The following MYO3B variants were observed in gnomAD, a reference collection of about 807,000 sequenced individuals.
The protein encoded by MYO3B is myosin IIIB, also known as myosin-IIIb.
Under a neutral mutation model 174.6 loss-of-function variants are expected in MYO3B, and 156 were observed. The observed-to-expected ratio is 0.89, with a 90% CI of 0.78 to 1.02. MYO3B has a LOEUF of 1.02. Among genes scored for constraint, MYO3B ranks in the 50% least tolerant of loss-of-function variants. The pLI is 0.00. For synonymous variants in MYO3B, 563 were observed against 569.1 expected, an observed-to-expected ratio of 0.99 and a Z score of 0.15; for missense variants, 1,632 against 1,639.4, an observed-to-expected ratio of 1.00 and a Z score of 0.08.
intron 7 of MYO3B, among the ~76,000 whole-genome samples, chr2:170,257,489 T>C (rs2105343257): frequency 6.6e-6 from 1 of 152,262 alleles, no homozygotes; most frequent in African/African-American, 2.4e-5. Flanking sequence ...GAATGACTTT[T>C]GGGTAAATAA....
chr2:170,369,029 A>C (rs2094219180), intron 8 of MYO3B, among the ~76,000 whole-genome samples, 193 bp from the exon 9 acceptor site: 1 of 152,200 alleles, frequency 6.6e-6, no homozygotes. Flanking sequence ...CTGATGTTTT[A>C]ATTAATTCAA....
intron 7 of MYO3B, among the ~76,000 whole-genome samples, chr2:170,243,139 T>C (rs1319439916): frequency 1.3e-5 from 2 of 152,236 alleles, no homozygotes. Flanking sequence ...ACTACTAGTA[T>C]GTAACAAACC....
chr2:170,335,852 T>C (rs369631809), intron 8 of MYO3B, among the ~76,000 whole-genome samples: 160 of 152,242 alleles, frequency 1.1e-3, no homozygotes, highest in African/African-American at 3.5e-3. Context: ...TCCTCTAGGA[T>C]CTGTGGCATG....
chr2:170,315,337 A>C (rs1218908551), intron 7 of MYO3B, among the ~76,000 whole-genome samples: 1 of 150,108 alleles, frequency 6.7e-6, no homozygotes, highest in Admixed American at 6.6e-5. Context: ...TTTTTGAGGC[A>C]GTCTCGCTCT....
intron 9 of MYO3B, among the ~76,000 whole-genome samples, chr2:170,379,178 A>G (rs945607909): frequency 1.4e-5 from 2 of 146,868 alleles, no homozygotes; most frequent in Non-Finnish European, 3.0e-5. Flanking sequence ...TAATTATTTC[A>G]TGAAAATGTG....
In MYO3B at chr2:170,407,816, G is replaced by T. The variant is rs367631065; in HGVS notation, c.2622G>T (p.Gln874His). Residue 874 changes from glutamine (Q) to histidine (H), a missense_variant, in exon 22 of 35, where the codon CAG becomes CAT. Coordinates refer to ENST00000408978, the MANE Select transcript of MYO3B (RefSeq NM_138995.5). The stretch of plus-strand genomic sequence containing the variant: ...CGTCAGAAAACAAGCTTCTTCAGCA[G>T]CTCTTCTCAATCCCTCTGACCAAAA... The part of the protein sequence containing the change: ...LRTSENKLLQ[Q>H]LFSIPLTKTG... 1.3e-5 allele frequency: 21 copies of T among 1,613,940 alleles called. No individual in the cohort carries two copies. The African/African-American group carries it at 2.3e-4, about 17-fold the overall frequency.
intron 6 of MYO3B, among the ~76,000 whole-genome samples, chr2:170,219,343 T>C (rs2092866077): frequency 6.6e-6 from 1 of 152,158 alleles, no homozygotes. Flanking sequence ...GAGTACATGC[T>C]CAAAAAAATT....
At chr2:170,610,895 T>G (rs1695092373) in intron 32 of MYO3B, among the ~76,000 whole-genome samples, 1 of 152,204 alleles carries the variant, frequency 6.6e-6, no homozygotes, top group African/African-American at 2.4e-5. Flanking sequence ...GTTTATATAA[T>G]TCTCAATACA....
intron 3 of MYO3B, 68 bp downstream of exon 3, chr2:170,200,352 C>T (rs971774971): frequency 6.5e-7 from 1 of 1,545,670 alleles, no homozygotes; most frequent in East Asian, 2.3e-5. Flanking sequence ...TGCTTTATTA[C>T]CTAGAGGGTG....
chr2:170,422,910 T>C (rs2094627940), intron 22 of MYO3B, among the ~76,000 whole-genome samples: 1 of 151,826 alleles, frequency 6.6e-6, no homozygotes, highest in African/African-American at 2.4e-5. Context: ...TACTAAGTCT[T>C]CAAAATCTGA....
chr2:170,569,955 G>A (rs1239226549), intron 32 of MYO3B, among the ~76,000 whole-genome samples: 1 of 151,678 alleles, frequency 6.6e-6, no homozygotes, highest in East Asian at 1.9e-4. Flanking sequence ...TGTTTTGCCA[G>A]GTCTTTCTGA....
rs7596841 is a variant in MYO3B at position 170,192,161 on chromosome 2, T to C, written c.3-7047T>C. 8.5e-3 allele frequency among the ~76,000 whole-genome samples: 1,297 copies of C among 152,186 alleles called. 19 individuals are homozygous for C. Among genetic ancestry groups the C allele is most frequent in the African/African-American group, 0.03 (1,247 of 41,570 alleles). On this transcript the variant is annotated intron_variant, in intron 1 of 34. Transcript: ENST00000408978. Reference sequence around the variant, plus strand: ...GAAAACATAAATAGCATTGGAATTATCTATTCTTTGAAGGTCTGGAAGAAT... The same window carrying C: ...GAAAACATAAATAGCATTGGAATTACCTATTCTTTGAAGGTCTGGAAGAAT...
chr2:170,307,242 CA>C (rs10718469), intron 7 of MYO3B, among the ~76,000 whole-genome samples: 11,037 of 57,318 alleles, frequency 0.19, 374 homozygotes, highest in Admixed American at 0.27. Flanking sequence ...GGCCTTATCT[CA>C]AAAAAAAAAA....
intron 1 of MYO3B, among the ~76,000 whole-genome samples, chr2:170,191,421 G>T (rs1336333744): frequency 6.6e-6 from 1 of 152,050 alleles, no homozygotes; most frequent in African/African-American, 2.4e-5. Context: ...TGCAGTCTTT[G>T]TGGCCTAGAC....
At chr2:170,470,209 T>G (rs949963262) in intron 25 of MYO3B, among the ~76,000 whole-genome samples, 1 of 151,316 alleles carries the variant, frequency 6.6e-6, no homozygotes, top group African/African-American at 2.4e-5. Context: ...TCATAGAACA[T>G]TTCATTACCT....
chr2:170,653,363 G>T lies in MYO3B; in HGVS notation c.*242G>T, dbSNP rs1164536131. 3 of 528,836 alleles carry T rather than the reference G, an allele frequency of 5.7e-6. No homozygotes were observed. The highest frequency in any genetic ancestry group is 6.7e-6 in the Non-Finnish European group (2 of 298,264). The allele number at this position is 528,836 out of a possible 1,614,324, so 32.8% of individuals were successfully genotyped here. A position where few individuals can be genotyped will look rare whatever the true frequency, so the allele number is the denominator to read the frequency against. On this transcript the variant is annotated 3_prime_UTR_variant, in exon 35 of 35. Coordinates refer to ENST00000408978, the MANE Select transcript of MYO3B (RefSeq NM_138995.5). ...CCTTTCTCATCCCATGGGGCCCTGT[G>T]GGACACTGAGAACACCTTTACAATA...
At chr2:170,335,062 A>G (rs1317449923) in intron 7 of MYO3B, among the ~76,000 whole-genome samples, 2 of 152,190 alleles carry the variant, frequency 1.3e-5, no homozygotes, top group Non-Finnish European at 2.9e-5. Flanking sequence ...TATAGCACTA[A>G]TAATCCTCAG....
rs763641428 is a variant in MYO3B at position 170,577,261 on chromosome 2, AG to A, written c.3733+33274del. Reference sequence around the variant, plus strand: ...TTTAAAAATCCAGAGTGGATCGATTAGCTCTGATTTATCATTTCCCTGAAAA... The same window carrying A: ...TTTAAAAATCCAGAGTGGATCGATTACTCTGATTTATCATTTCCCTGAAAA... On this transcript the variant is annotated intron_variant, in intron 32 of 34. Coordinates refer to ENST00000408978, the MANE Select transcript of MYO3B (RefSeq NM_138995.5). 1.1e-3 allele frequency among the ~76,000 whole-genome samples: 172 copies of A among 152,346 alleles called. No homozygotes were observed. The Middle Eastern group carries it at 0.027, about 24-fold the overall frequency.
intron 9 of MYO3B, among the ~76,000 whole-genome samples, chr2:170,379,164 A>G (rs2094315980): frequency 6.6e-6 from 1 of 151,478 alleles, no homozygotes; most frequent in African/African-American, 2.4e-5. Flanking sequence ...TTAATATGGT[A>G]ATTTAATTAT....
Sources: gnomAD v4.1 joint callset for allele counts (sites outside exome capture counted in the v4.1 genomes callset) on GRCh38, gnomAD v4.1.1 for gene constraint, MANE v1.5 for transcripts, NCBI Gene and HGNC (gene_info 2026-07-23, HGNC 2026-07-21) for gene names.